VPS37A: variants seen among roughly 807,000 people sequenced by gnomAD.
VPS37A encodes VPS37A subunit of ESCRT-I.
VPS37A carries 30 observed loss-of-function variants against 49.8 expected under a neutral mutation model. That is an observed-to-expected ratio of 0.60 (90% CI 0.45 to 0.82). The LOEUF (loss-of-function observed/expected upper bound fraction) is 0.82, where lower values mean the gene tolerates loss of function less well. VPS37A is among the 40% of genes least tolerant of loss of function. The pLI is 0.00. For missense variants in VPS37A, 593 were observed against 464.4 expected, an observed-to-expected ratio of 1.28 and a Z score of -2.55; for synonymous variants, 195 against 160.6, an observed-to-expected ratio of 1.21 and a Z score of -1.62.
chr8:17,310,691 G>C, the VPS37A span, among the ~76,000 whole-genome samples: 1 of 152,150 alleles, frequency 6.6e-6, no homozygotes, highest in African/African-American at 2.4e-5. Flanking sequence ...ATCCCAGAGA[G>C]GGAGCCTGCC....
chr8:17,293,429 A>G (rs938664717), intron 11 of VPS37A, among the ~76,000 whole-genome samples: 1 of 151,930 alleles, frequency 6.6e-6, no homozygotes, highest in Non-Finnish European at 1.5e-5. Context: ...TAAGGAGTTT[A>G]TTACCCACCT....
chr8:17,293,359 T>C (rs1816318097), intron 11 of VPS37A, among the ~76,000 whole-genome samples: 1 of 152,110 alleles, frequency 6.6e-6, no homozygotes, highest in Admixed American at 6.5e-5. Flanking sequence ...GCAATTCTTC[T>C]AACCTTTTAT....
chr8:17,264,336 A>G (rs1337136429), intron 1 of VPS37A, among the ~76,000 whole-genome samples: 1 of 152,188 alleles, frequency 6.6e-6, no homozygotes, highest in African/African-American at 2.4e-5. Context: ...AATAATGTAG[A>G]GGAATAAAAA....
chr8:17,311,917 C>T, the VPS37A span: 27 of 317,084 alleles, frequency 8.5e-5, no homozygotes, highest in African/African-American at 1.9e-4. Flanking sequence ...CCTATGCAAA[C>T]GGACCTTCAA....
intron 4 of VPS37A, among the ~76,000 whole-genome samples, chr8:17,270,326 G>A (rs1002676119): frequency 1.3e-5 from 2 of 152,066 alleles, no homozygotes; most frequent in African/African-American, 4.8e-5. Flanking sequence ...ATTTGGTTAG[G>A]GACCAGTGGC....
intron 11 of VPS37A, among the ~76,000 whole-genome samples, chr8:17,287,152 G>C (rs983288384): frequency 1.3e-5 from 2 of 152,126 alleles, no homozygotes; most frequent in Admixed American, 6.5e-5. Context: ...CTCTGCATCT[G>C]TTTTGTTTTA....
At chr8:17,281,993 C>T (rs1815101497) in intron 9 of VPS37A, among the ~76,000 whole-genome samples, 1 of 152,016 alleles carries the variant, frequency 6.6e-6, no homozygotes, top group African/African-American at 2.4e-5. Context: ...AAATTGAATA[C>T]AGTTCTTATC....
the VPS37A span, among the ~76,000 whole-genome samples, chr8:17,315,736 G>C: frequency 6.6e-6 from 1 of 152,270 alleles, no homozygotes; most frequent in East Asian, 1.9e-4. Context: ...AAAAGGCTGG[G>C]CACAGTGCCT....
At chr8:17,324,507 C>T in the VPS37A span, among the ~76,000 whole-genome samples, 4 of 152,336 alleles carry the variant, frequency 2.6e-5, no homozygotes, top group East Asian at 3.9e-4. Flanking sequence ...TCTGCCTCTG[C>T]GCTTAGTGTT....
intron 4 of VPS37A, among the ~76,000 whole-genome samples, chr8:17,270,732 A>G (rs955536041): frequency 2.6e-5 from 4 of 152,142 alleles, no homozygotes; most frequent in African/African-American, 9.7e-5. Context: ...AGTCGGTCAC[A>G]TTCTTCCTCC....
At chr8:17,251,380 G>C (rs1272436821) in intron 1 of VPS37A, among the ~76,000 whole-genome samples, 1 of 152,194 alleles carries the variant, frequency 6.6e-6, no homozygotes, top group Non-Finnish European at 1.5e-5. Context: ...TGTGATTCCT[G>C]TCATGCAGGA....
At chr8:17,275,964 T>C (rs573806718) in intron 5 of VPS37A, among the ~76,000 whole-genome samples, 1 of 152,318 alleles carries the variant, frequency 6.6e-6, no homozygotes, top group South Asian at 2.1e-4. Flanking sequence ...AAGTCATATA[T>C]ATTCAAACAG....
chr8:17,299,683 A>G (rs1816971412), downstream of VPS37A: 2 of 746,360 alleles, frequency 2.7e-6, no homozygotes, highest in South Asian at 4.0e-5. Flanking sequence ...TGAAATGACT[A>G]CGTCCTCTTC....
the VPS37A span, among the ~76,000 whole-genome samples, chr8:17,325,719 G>T: frequency 6.6e-6 from 1 of 152,182 alleles, no homozygotes; most frequent in Non-Finnish European, 1.5e-5. Flanking sequence ...AATCATTTTT[G>T]ATGAACGTGC....
At chr8:17,307,940 T>A in the VPS37A span, among the ~76,000 whole-genome samples, 1 of 151,930 alleles carries the variant, frequency 6.6e-6, no homozygotes, top group East Asian at 1.9e-4. Flanking sequence ...TAATGCTAAA[T>A]GACGAGTTAA....
chr8:17,305,936 G>T, downstream of VPS37A: 1 of 1,613,154 alleles, frequency 6.2e-7, no homozygotes, highest in African/African-American at 1.3e-5. Flanking sequence ...TTTCTTTTGG[G>T]TCACCATCTA....
intron 1 of VPS37A, among the ~76,000 whole-genome samples, chr8:17,262,819 T>C (rs1432844438): frequency 6.6e-6 from 1 of 152,028 alleles, no homozygotes; most frequent in Non-Finnish European, 1.5e-5. Context: ...TCCTAGCACT[T>C]TGGGAGGCCG....
At chr8:17,289,280 A>G (rs1316116431) in intron 11 of VPS37A, among the ~76,000 whole-genome samples, 1 of 152,158 alleles carries the variant, frequency 6.6e-6, no homozygotes, top group African/African-American at 2.4e-5. Context: ...GTCTTTGCCC[A>G]TGCCCATGTC....
At chr8:17,302,158 T>A (rs758907262), downstream of VPS37A, 6 of 1,614,050 alleles carry the variant, frequency 3.7e-6, no homozygotes, top group Non-Finnish European at 5.1e-6. Flanking sequence ...TCTTACTTCT[T>A]CCAGGGCCTC....
Sources: gnomAD v4.1 joint callset for allele counts (sites outside exome capture counted in the v4.1 genomes callset) on GRCh38, gnomAD v4.1.1 for gene constraint, MANE v1.5 for transcripts, NCBI Gene and HGNC (gene_info 2026-07-23, HGNC 2026-07-21) for gene names.